RARB: variants seen among roughly 807,000 people sequenced by gnomAD.
RARB encodes the protein retinoic acid receptor beta.
A neutral mutation model predicts 51.9 loss-of-function variants in RARB; 17 were observed. That is an observed-to-expected ratio of 0.33 (90% confidence interval 0.22 to 0.49). The LOEUF (loss-of-function observed/expected upper bound fraction) is 0.49. Among genes scored for constraint, RARB ranks in the 20% least tolerant of loss-of-function variants. The pLI is 0.99. For missense variants in RARB, 369 were observed against 550.8 expected (o/e 0.67, Z 3.30); for synonymous variants, 215 against 195.4 (o/e 1.10, Z -0.84).
chr3:24,847,720 G>C (rs1251893403), intron 1 of RARB, among the ~76,000 whole-genome samples: 1 of 152,220 alleles, frequency 6.6e-6, no homozygotes, highest in African/African-American at 2.4e-5. Context: ...GGCCATTGCT[G>C]CTCCAGCTTT....
At chr3:25,444,229 C>T (rs1235490219) in intron 1 of RARB, among the ~76,000 whole-genome samples, 1 of 152,068 alleles carries the variant, frequency 6.6e-6, no homozygotes, top group Admixed American at 6.5e-5. Context: ...CTTGAATCTC[C>T]CGAGTAGGAG....
At chr3:25,039,351 G>A (rs1162580891) in intron 2 of RARB, among the ~76,000 whole-genome samples, 1 of 152,216 alleles carries the variant, frequency 6.6e-6, no homozygotes, top group Non-Finnish European at 1.5e-5. Context: ...GGGCAGATCA[G>A]TAAAGCCTTT....
At chr3:25,386,994 A>AC (rs1706814547) in intron 5 of RARB, among the ~76,000 whole-genome samples, 5 of 152,208 alleles carry the variant, frequency 3.3e-5, no homozygotes, top group African/African-American at 9.7e-5. Flanking sequence ...GCAACAGTGA[A>AC]CAGAGGTGCT....
rs571205737 is a variant in RARB at position 25,077,597 on chromosome 3, T to A, written c.-328+17421T>A. 7.2e-5 allele frequency among the ~76,000 whole-genome samples: 11 copies of A among 152,312 alleles called. No individual in the cohort carries two copies. In the South Asian group the frequency reaches 2.3e-3, roughly 32 times the overall value. On this transcript the variant is annotated intron_variant, in intron 3 of 11. Coordinates refer to the RARB transcript ENST00000383772. The stretch of plus-strand genomic sequence containing the variant: ...CTATTTTTCTTTGGTGGATGGACAT[T>A]TGGTTATTTCCAGAGTGGGGTTTTA...
intron 5 of RARB, among the ~76,000 whole-genome samples, chr3:25,414,841 T>C (rs1707657457): frequency 1.3e-5 from 2 of 152,212 alleles, no homozygotes; most frequent in Admixed American, 6.5e-5. Flanking sequence ...ATCTGATATA[T>C]GCTTTGCACA....
intron 2 of RARB, among the ~76,000 whole-genome samples, chr3:24,958,798 T>G (rs950720118): frequency 3.9e-5 from 6 of 152,246 alleles, no homozygotes; most frequent in Admixed American, 6.5e-5. Context: ...AGCCACTGTC[T>G]TAGATTTGCA....
At chr3:25,060,648 G>C (rs894399576) in intron 3 of RARB, among the ~76,000 whole-genome samples, 3 of 151,754 alleles carry the variant, frequency 2.0e-5, no homozygotes, top group African/African-American at 7.3e-5. Context: ...TTGGAATACA[G>C]AAGGAAAAAA....
At chr3:24,908,467 T>C (rs985522345) in intron 2 of RARB, among the ~76,000 whole-genome samples, 1 of 152,146 alleles carries the variant, frequency 6.6e-6, no homozygotes, top group African/African-American at 2.4e-5. Flanking sequence ...CTTAACAATT[T>C]GGATCTTCTC....
chr3:25,526,692 G>C (rs556014089), intron 3 of RARB, among the ~76,000 whole-genome samples: 2 of 152,308 alleles, frequency 1.3e-5, no homozygotes, highest in Admixed American at 1.3e-4. Flanking sequence ...GGATGGATGA[G>C]TGGGTGAATG....
At chr3:25,050,531 T>A (rs1698309382) in intron 2 of RARB, among the ~76,000 whole-genome samples, 1 of 152,186 alleles carries the variant, frequency 6.6e-6, no homozygotes. Context: ...AGTCAAATAG[T>A]TCTATAAGGC....
At chr3:25,156,198 G>A (rs1700371571) in intron 4 of RARB, among the ~76,000 whole-genome samples, 1 of 152,216 alleles carries the variant, frequency 6.6e-6, no homozygotes, top group African/African-American at 2.4e-5. Context: ...AACTTTAGCA[G>A]GAATGAATGG....
chr3:25,568,133 A>T (rs1025941104), intron 3 of RARB, among the ~76,000 whole-genome samples: 3 of 152,142 alleles, frequency 2.0e-5, no homozygotes, highest in Non-Finnish European at 2.9e-5. Flanking sequence ...TCATTTCACC[A>T]GTGATCTAGA....
chr3:25,407,032 T>A (rs964896993), intron 5 of RARB, among the ~76,000 whole-genome samples: 9 of 152,240 alleles, frequency 5.9e-5, no homozygotes, highest in African/African-American at 2.2e-4. Flanking sequence ...CTTTCACAAC[T>A]GTCATTTTTC....
At chr3:25,203,031 G>T (rs953106247) in intron 5 of RARB, among the ~76,000 whole-genome samples, 4 of 152,142 alleles carry the variant, frequency 2.6e-5, no homozygotes, top group Non-Finnish European at 4.4e-5. Context: ...TGCTGACAGT[G>T]GGGTGTTAGT....
chr3:25,524,065 G>C (rs555820868), intron 3 of RARB, among the ~76,000 whole-genome samples: 1 of 152,304 alleles, frequency 6.6e-6, no homozygotes, highest in South Asian at 2.1e-4. Context: ...ACTATAGGTT[G>C]TTCACTGCAG....
At chr3:25,031,362 A>G (rs900553202) in intron 2 of RARB, among the ~76,000 whole-genome samples, 9 of 152,196 alleles carry the variant, frequency 5.9e-5, no homozygotes, top group Non-Finnish European at 1.3e-4. Flanking sequence ...AGCAGGTCCC[A>G]AACTAGTTTA....
rs1575555796 is a variant in RARB at position 25,597,836 on chromosome 3, T to G, written c.*1220T>G. The G allele has an allele frequency of 6.6e-6, 1 of 152,448 alleles. No homozygotes were observed. The highest frequency in any genetic ancestry group is 1.5e-5 in the Non-Finnish European group (1 of 68,028). 9.4% of individuals were successfully genotyped at this position (152,448 alleles called of 1,614,324 possible). ...TACTTTCACTGGCTCTGTTTGTACA[T>G]TGAGATTGTTTGTTTAACAATGCTT... On this transcript the variant is annotated 3_prime_UTR_variant, in exon 8 of 8. Coordinates refer to ENST00000330688, the MANE Select transcript of RARB (RefSeq NM_000965.5).
intron 5 of RARB, among the ~76,000 whole-genome samples, chr3:25,390,678 T>C (rs1638370376): frequency 6.6e-6 from 1 of 152,198 alleles, no homozygotes; most frequent in Non-Finnish European, 1.5e-5. Context: ...TTATCAAGTT[T>C]GGGCTTCACA....
At chr3:25,097,194 A>C (rs1310908057) in intron 3 of RARB, among the ~76,000 whole-genome samples, 2 of 152,160 alleles carry the variant, frequency 1.3e-5, no homozygotes, top group African/African-American at 2.4e-5. Context: ...GAAACTAAAC[A>C]ATACACGCAT....
Sources: gnomAD v4.1 joint callset for allele counts (sites outside exome capture counted in the v4.1 genomes callset) on GRCh38, gnomAD v4.1.1 for gene constraint, MANE v1.5 for transcripts, NCBI Gene and HGNC (gene_info 2026-07-23, HGNC 2026-07-21) for gene names.